The following ASB7 variants were observed in gnomAD, a reference collection of about 807,000 sequenced individuals.
ASB7 encodes the protein ankyrin repeat and SOCS box containing 7.
In ASB7, 4 loss-of-function variants were observed where a neutral mutation model predicts 32.5. That is an observed-to-expected ratio of 0.12 (90% CI 0.06 to 0.28). ASB7 has a LOEUF of 0.28. ASB7 is among the 10% of genes least tolerant of loss of function. ASB7 has a pLI of 1.00. For synonymous variants in ASB7, 172 were observed against 155.6 expected, an observed-to-expected ratio of 1.11 and a Z score of -0.78; for missense variants, 181 against 407.1, an observed-to-expected ratio of 0.44 and a Z score of 4.78.
chr15:100,634,763 C>G (rs563054328), intron 5 of ASB7, among the ~76,000 whole-genome samples: 31 of 152,320 alleles, frequency 2.0e-4, no homozygotes, highest in African/African-American at 7.0e-4. Flanking sequence ...GAGATCACGC[C>G]ACTGCACTCC....
chr15:100,647,497 T>G (rs1245999282), intron 5 of ASB7, among the ~76,000 whole-genome samples: 1 of 152,246 alleles, frequency 6.6e-6, no homozygotes, highest in East Asian at 1.9e-4. Flanking sequence ...GTTGAAGAAT[T>G]CTTCCTTGTT....
At chr15:100,630,800 G>A (rs1216319280) in intron 5 of ASB7, among the ~76,000 whole-genome samples, 4 of 152,144 alleles carry the variant, frequency 2.6e-5, no homozygotes, top group South Asian at 2.1e-4. Context: ...AAGCTTCCAC[G>A]TGACCAGTTG....
intron 2 of ASB7, among the ~76,000 whole-genome samples, chr15:100,606,112 C>T (rs2039642445): frequency 1.3e-5 from 2 of 152,096 alleles, no homozygotes; most frequent in Non-Finnish European, 2.9e-5. Flanking sequence ...CAGCCATGTT[C>T]TCCGTTTTGG....
chr15:100,619,788 C>A (rs2039775337), intron 4 of ASB7, among the ~76,000 whole-genome samples: 1 of 152,210 alleles, frequency 6.6e-6, no homozygotes, highest in African/African-American at 2.4e-5. Context: ...GATGTGACCA[C>A]AGGCAGCCTG....
intron 2 of ASB7, among the ~76,000 whole-genome samples, chr15:100,604,200 G>A (rs1350157299): frequency 1.3e-5 from 2 of 152,322 alleles, no homozygotes; most frequent in East Asian, 3.9e-4. Context: ...TTGCTGGATT[G>A]AAATTTAAGC....
intron 5 of ASB7, chr15:100,646,647 C>A (rs1268225614): frequency 7.8e-6 from 2 of 257,426 alleles, no homozygotes; most frequent in South Asian, 4.6e-5. Context: ...TTGTTTGCAG[C>A]TGAGCCATGT....
chr15:100,627,463 T>C (rs2039849332), intron 4 of ASB7, among the ~76,000 whole-genome samples: 2 of 152,250 alleles, frequency 1.3e-5, no homozygotes, highest in African/African-American at 4.8e-5. Context: ...TTTCATGGGC[T>C]AATAATCTTT....
Position 100,637,353 on chromosome 15 carries a change from T to TA in ASB7, c.817+7315dup, listed in dbSNP as rs1486230482. On this transcript the variant is annotated intron_variant, in intron 5 of 5. Coordinates refer to ENST00000332783, the MANE Select transcript of ASB7 (RefSeq NM_198243.3). ...AACTGACAGGACTTAGGGCCAGTCATAAAATTTGAGCTTTGCAAATGAGGA... is the reference window on the plus strand; with the variant it reads ...AACTGACAGGACTTAGGGCCAGTCATAAAAATTTGAGCTTTGCAAATGAGGA... 2.6e-5 allele frequency among the ~76,000 whole-genome samples: 4 copies of TA among 152,256 alleles called. 1 individual carries two copies. The highest frequency in any genetic ancestry group is 5.9e-5 in the Non-Finnish European group (4 of 68,042).
chr15:100,628,357 G>A (rs191857255), intron 4 of ASB7, among the ~76,000 whole-genome samples: 1 of 152,240 alleles, frequency 6.6e-6, no homozygotes. Context: ...AACAATACGT[G>A]AGTTTTCACT....
intron 2 of ASB7, among the ~76,000 whole-genome samples, chr15:100,603,520 ACTTT>A: frequency 6.9e-6 from 1 of 144,050 alleles, no homozygotes; most frequent in East Asian, 2.0e-4. Flanking sequence ...GTATTTTCCC[ACTTT>A]CTTTCTGTAC....
chr15:100,632,690 G>A (rs901021890), intron 5 of ASB7, among the ~76,000 whole-genome samples: 5 of 152,120 alleles, frequency 3.3e-5, no homozygotes, highest in African/African-American at 1.2e-4. Flanking sequence ...CAGCAGAGGG[G>A]CCACATGGTG....
chr15:100,603,329 T>C lies in ASB7; in HGVS notation c.-174+16T>C. ...GTCTGTAAAGGTAATGAGCCAGCCC[T>C]CCCCTCCCCCGTTGTTTATTCCTGG... On this transcript the variant is annotated intron_variant, in intron 2 of 5. Coordinates refer to ENST00000332783, the MANE Select transcript of ASB7 (RefSeq NM_198243.3). 1 of 237,496 alleles carries C rather than the reference T, an allele frequency of 4.2e-6. No individual in the cohort carries two copies. 14.7% of individuals were successfully genotyped at this position (237,496 alleles called of 1,614,324 possible).
chr15:100,611,924 G>A (rs1239883731), intron 3 of ASB7, among the ~76,000 whole-genome samples: 2 of 149,156 alleles, frequency 1.3e-5, no homozygotes, highest in African/African-American at 2.5e-5. Context: ...GGTTCAGGTC[G>A]TCCTCCCACC....
chr15:100,632,555 T>C (rs1402723554), intron 5 of ASB7, among the ~76,000 whole-genome samples: 3 of 152,138 alleles, frequency 2.0e-5, no homozygotes, highest in African/African-American at 7.2e-5. Context: ...AGAAGGTTGG[T>C]TGGTTCAGGG....
intron 5 of ASB7, among the ~76,000 whole-genome samples, chr15:100,639,538 C>CAAGT (rs978456328): frequency 2.0e-5 from 3 of 152,126 alleles, no homozygotes; most frequent in Non-Finnish European, 4.4e-5. Flanking sequence ...GCCTCTAAAA[C>CAAGT]AAGTGCCTTC....
At position 100,651,312 on chromosome 15, in the gene ASB7, G is replaced by A. The variant is rs1434109056; in HGVS notation, c.*2850G>A. Reference sequence around the variant, plus strand: ...ATTTACTACACAGTAATCCATGCCTGTTAGTTTGGAGGACTTGACTGTCTC... The same window carrying A: ...ATTTACTACACAGTAATCCATGCCTATTAGTTTGGAGGACTTGACTGTCTC... On this transcript the variant is annotated 3_prime_UTR_variant, in exon 6 of 6. Transcript: ENST00000332783. 9 of 151,792 alleles carry A rather than the reference G, an allele frequency of 5.9e-5. No homozygotes were observed. Among genetic ancestry groups the A allele is most frequent in the South Asian group, 2.1e-4 (1 of 4,820 alleles). The allele number at this position is 151,792 out of a possible 1,614,324, so 9.4% of individuals were successfully genotyped here. A position where few individuals can be genotyped will look rare whatever the true frequency, so the allele number is the denominator to read the frequency against.
At chr15:100,630,531 A>T (rs2039875649) in intron 5 of ASB7, among the ~76,000 whole-genome samples, 1 of 152,200 alleles carries the variant, frequency 6.6e-6, no homozygotes, top group Admixed American at 6.5e-5. Flanking sequence ...CATGAAATGG[A>T]GCAGTGGTGC....
chr15:100,638,199 A>G (rs1307599927), intron 5 of ASB7, among the ~76,000 whole-genome samples: 4 of 152,168 alleles, frequency 2.6e-5, no homozygotes, highest in Non-Finnish European at 5.9e-5. Context: ...CTGTTAGCCT[A>G]GTGTTTCAGA....
chr15:100,608,547 C>G (rs1248237484), intron 2 of ASB7, among the ~76,000 whole-genome samples: 1 of 152,152 alleles, frequency 6.6e-6, no homozygotes, highest in Non-Finnish European at 1.5e-5. Context: ...CCTTTGACCT[C>G]CCCCACCGTG....
Sources: allele counts gnomAD v4.1 joint callset (sites outside exome capture counted in the v4.1 genomes callset), GRCh38; gene constraint gnomAD v4.1.1; transcripts MANE v1.5; gene names NCBI Gene and HGNC (gene_info 2026-07-23, HGNC 2026-07-21).